The following STX18 variants were observed in gnomAD, a reference collection of about 807,000 sequenced individuals.
STX18 encodes the protein syntaxin-18.
A neutral mutation model predicts 50.1 loss-of-function variants in STX18; 40 were observed. The ratio of observed to expected loss-of-function variants is 0.80; its 90% CI spans 0.62 to 1.04. The LOEUF (loss-of-function observed/expected upper bound fraction) is 1.04, where lower values mean the gene tolerates loss of function less well. Among genes scored for constraint, STX18 ranks in the 50% least tolerant of loss-of-function variants. The pLI is 0.00. For synonymous variants in STX18, 158 were observed against 151.8 expected (o/e 1.04, Z -0.30); for missense variants, 410 against 415.8 (o/e 0.99, Z 0.12).
chr4:4,465,522 A>G (rs1376032855), intron 2 of STX18, among the ~76,000 whole-genome samples: 3 of 152,188 alleles, frequency 2.0e-5, no homozygotes, highest in African/African-American at 4.8e-5. Context: ...ACCAAATACC[A>G]CATGTTCTCA....
chr4:4,504,116 G>A lies in STX18; in HGVS notation c.169-32410C>T, dbSNP rs1729585528. Among the ~76,000 whole-genome samples, 4 of 152,096 alleles carry A rather than the reference G, an allele frequency of 2.6e-5. No homozygotes were observed. In the South Asian group the frequency reaches 8.3e-4, roughly 32 times the overall value. On this transcript the variant is annotated intron_variant, in intron 1 of 10. Coordinates refer to ENST00000306200, the MANE Select transcript of STX18 (RefSeq NM_016930.4). ...AAAATTCTATGAAGCAAAAACATAA[G>A]CATACCATGAGAGCTGCCTGAAACA...
chr4:4,473,627 T>C (rs1317941307), intron 1 of STX18, among the ~76,000 whole-genome samples: 1 of 151,910 alleles, frequency 6.6e-6, no homozygotes, highest in African/African-American at 2.4e-5. Context: ...GGGAAAAAAA[T>C]TAAGAGATAC....
At chr4:4,500,252 C>T (rs1729374594) in intron 1 of STX18, among the ~76,000 whole-genome samples, 1 of 152,154 alleles carries the variant, frequency 6.6e-6, no homozygotes, top group South Asian at 2.1e-4. Flanking sequence ...TATGCTTTTC[C>T]ATTTTATGCA....
rs908914900 is a variant in STX18 at position 4,458,863 on chromosome 4, A to G, written c.352+509T>C. ...GGTGGAGTTGGGGTGCAACCTAAGC[A>G]GCCCTGGCTCCAGAGCCTTCCTCCT... On this transcript the variant is annotated intron_variant, in intron 3 of 10. Coordinates refer to ENST00000306200, the MANE Select transcript of STX18 (RefSeq NM_016930.4). Among the ~76,000 whole-genome samples, 5 of 152,184 alleles carry G rather than the reference A, an allele frequency of 3.3e-5. 1 individual carries two copies. Among genetic ancestry groups the G allele is most frequent in the Admixed American group, 1.3e-4 (2 of 15,278 alleles).
Position 4,460,524 on chromosome 4 carries a change from G to A in STX18, c.237-1037C>T, listed in dbSNP as rs114912353. Among the ~76,000 whole-genome samples, 913 of 152,184 alleles carry A rather than the reference G, an allele frequency of 6.0e-3. 7 individuals carry two copies. The highest frequency in any genetic ancestry group is 0.021 in the African/African-American group (872 of 41,514). On this transcript the variant is annotated intron_variant, in intron 2 of 10. Transcript: ENST00000306200. The stretch of plus-strand genomic sequence containing the variant: ...AAAAAGAAAGGGGTAAGATGAGCAC[G>A]AAGTCCTTCTCACTCCCAATCACCA...
chr4:4,451,489 T>C (rs919424527), intron 5 of STX18, among the ~76,000 whole-genome samples: 3 of 152,264 alleles, frequency 2.0e-5, no homozygotes, highest in Admixed American at 1.3e-4. Context: ...ATGGAGGGTA[T>C]GTGGCAACAC....
chr4:4,431,179 AAAAG>A (rs893844124), intron 7 of STX18, among the ~76,000 whole-genome samples: 16 of 152,248 alleles, frequency 1.1e-4, no homozygotes, highest in South Asian at 6.2e-4. Context: ...AGTGCATTAA[AAAAG>A]AAAGAAAGAA....
At chr4:4,511,077 C>A (rs749107585) in intron 1 of STX18, among the ~76,000 whole-genome samples, 2 of 152,084 alleles carry the variant, frequency 1.3e-5, no homozygotes, top group Non-Finnish European at 2.9e-5. Flanking sequence ...ACCTATATGA[C>A]GGGTTGACAG....
At chr4:4,481,713 C>G (rs949226777) in intron 1 of STX18, 1 of 152,178 alleles carries the variant, frequency 6.6e-6, no homozygotes, top group Non-Finnish European at 1.5e-5. Flanking sequence ...AAGTTCAGAA[C>G]TAACACACCT....
chr4:4,441,658 T>C (rs1246580041), intron 5 of STX18, among the ~76,000 whole-genome samples: 7 of 151,960 alleles, frequency 4.6e-5, no homozygotes, highest in Admixed American at 4.6e-4. Flanking sequence ...AAAAGAAATA[T>C]AAAGATGTTG....
At chr4:4,478,768 A>C (rs1728318817) in intron 1 of STX18, 1 of 152,304 alleles carries the variant, frequency 6.6e-6, no homozygotes, top group African/African-American at 2.4e-5. Context: ...CACTCTTCTT[A>C]GAGGGAAGAG....
intron 1 of STX18, among the ~76,000 whole-genome samples, chr4:4,482,899 A>T (rs1355819724): frequency 6.6e-6 from 1 of 152,250 alleles, no homozygotes; most frequent in Non-Finnish European, 1.5e-5. Context: ...AAATAAGGCC[A>T]TCTTAACCTA....
chr4:4,433,199 G>A (rs953015172), intron 7 of STX18, among the ~76,000 whole-genome samples: 2 of 152,156 alleles, frequency 1.3e-5, no homozygotes, highest in African/African-American at 2.4e-5. Flanking sequence ...AGATTCAACA[G>A]GACAACATAT....
intron 1 of STX18, among the ~76,000 whole-genome samples, chr4:4,521,906 G>A (rs1198406011): frequency 6.6e-6 from 1 of 152,004 alleles, no homozygotes; most frequent in African/African-American, 2.4e-5. Flanking sequence ...ATCATAGTTC[G>A]AGAACTTTTT....
chr4:4,470,297 G>A (rs1185330814), intron 2 of STX18, among the ~76,000 whole-genome samples: 8 of 132,296 alleles, frequency 6.0e-5, no homozygotes, highest in African/African-American at 2.2e-4. Flanking sequence ...CACTAAATGC[G>A]CAATACTCCT....
chr4:4,521,123 T>C (rs1017964854), intron 1 of STX18, among the ~76,000 whole-genome samples: 3 of 151,882 alleles, frequency 2.0e-5, no homozygotes, highest in African/African-American at 7.3e-5. Flanking sequence ...ATTTGTCCAA[T>C]AAAATGCAAA....
rs765480846 is a variant in STX18 at position 4,434,822 on chromosome 4, G to A, written c.650C>T (p.Thr217Met). ...ATCTTCGCCTTTGCCATCTCCCCAC[G>A]TTCCCAATTCAGGTTGTGTTTCAGC... ...ILAETQPELG[T>M]WGDGKGEDEL... Residue 217 changes from threonine (T) to methionine (M), a missense_variant, in exon 7 of 11, where the codon ACG becomes ATG. Thr to Met is a moderately conservative substitution (Grantham distance 81). Coordinates refer to ENST00000306200, the MANE Select transcript of STX18 (RefSeq NM_016930.4). The A allele has an allele frequency of 1.9e-5, 31 of 1,604,918 alleles. No homozygotes were observed. Among genetic ancestry groups the A allele is most frequent in the East Asian group, 4.5e-5 (2 of 44,592 alleles).
chr4:4,529,208 A>G (rs939811187), intron 1 of STX18, among the ~76,000 whole-genome samples: 1 of 152,096 alleles, frequency 6.6e-6, no homozygotes, highest in African/African-American at 2.4e-5. Context: ...CTAAAAATAC[A>G]CAAATTAGCC....
intron 5 of STX18, among the ~76,000 whole-genome samples, chr4:4,445,243 C>T (rs1049208048): frequency 6.2e-4 from 94 of 152,146 alleles, no homozygotes; most frequent in African/African-American, 2.0e-3. Flanking sequence ...CTTATCTCTA[C>T]TAAAATACAA....
Sources: allele counts gnomAD v4.1 joint callset (sites outside exome capture counted in the v4.1 genomes callset), GRCh38; gene constraint gnomAD v4.1.1; transcripts MANE v1.5; gene names NCBI Gene and HGNC (gene_info 2026-07-23, HGNC 2026-07-21).